The following CAPN11 variants were observed in gnomAD, a reference collection of about 807,000 sequenced individuals.
CAPN11 encodes calpain-11.
A neutral mutation model predicts 105.3 loss-of-function variants in CAPN11; 108 were observed. The observed-to-expected ratio is 1.03, with a 90% CI of 0.88 to 1.20. The LOEUF (loss-of-function observed/expected upper bound fraction) is 1.20, where lower values mean the gene tolerates loss of function less well. CAPN11 is among the 50% of genes most tolerant of loss of function. The pLI, the probability that CAPN11 is intolerant of heterozygous loss-of-function variation, is 0.00. For synonymous variants in CAPN11, 329 were observed against 344.5 expected (o/e 0.96, Z 0.50); for missense variants, 883 against 924.8 (o/e 0.95, Z 0.59).
chr6:44,176,390 G>T, intron 9 of CAPN11, 52 bp downstream of exon 9: 1 of 1,519,190 alleles, frequency 6.6e-7, no homozygotes, highest in Non-Finnish European at 9.1e-7. Flanking sequence ...AGCAGGCGGT[G>T]CCAGGTGGAC....
intron 2 of CAPN11, chr6:44,169,021 C>A (rs765971681): frequency 1.9e-6 from 1 of 518,696 alleles, no homozygotes; most frequent in South Asian, 1.5e-5. Flanking sequence ...GCCTCGAACT[C>A]CAGGGCTCAG....
Position 44,183,970 on chromosome 6 carries a change from G to A in CAPN11, c.*38G>A, listed in dbSNP as rs910467541. ...AGCCTGGTCATCTCTACCAGCAGCA[G>A]CAGCAGCGAGGTTCTAGCCCAGGAG... On this transcript the variant is annotated 3_prime_UTR_variant, in exon 23 of 23. Transcript: ENST00000398776. The A allele has an allele frequency of 1.3e-6, 2 of 1,551,540 alleles. No homozygotes were observed. The highest frequency in any genetic ancestry group is 1.7e-6 in the Non-Finnish European group (2 of 1,147,032).
chr6:44,169,077 C>T (rs1308376559), intron 2 of CAPN11: 1 of 590,616 alleles, frequency 1.7e-6, no homozygotes, highest in East Asian at 3.7e-5. Flanking sequence ...ACTACAGGCA[C>T]ACGTCACCAT....
At chr6:44,182,183 CTCACAT>C in intron 19 of CAPN11, among the ~76,000 whole-genome samples, 1 of 101,564 alleles carries the variant, frequency 9.8e-6, no homozygotes, top group Non-Finnish European at 2.1e-5. Flanking sequence ...CACATACACA[CTCACAT>C]ACAGACACAA....
chr6:44,169,861 A>T, intron 3 of CAPN11, 45 bp from the exon 4 acceptor site: 1 of 1,410,364 alleles, frequency 7.1e-7, no homozygotes. Context: ...AAAGGTGGGG[A>T]GGGGGTGTCC....
At chr6:44,168,492 A>T (rs765659110) in intron 2 of CAPN11, among the ~76,000 whole-genome samples, 4 of 151,038 alleles carry the variant, frequency 2.6e-5, no homozygotes, top group African/African-American at 7.3e-5. Context: ...CTGGTCTCGA[A>T]CTCCTGACCT....
intron 19 of CAPN11, among the ~76,000 whole-genome samples, chr6:44,181,915 CACAT>C (rs1368942532): frequency 4.1e-4 from 40 of 98,246 alleles, no homozygotes; most frequent in African/African-American, 8.8e-4. Flanking sequence ...CACTCACACA[CACAT>C]ACACACTCAC....
At chr6:44,181,367 T>A in intron 19 of CAPN11, 47 bp downstream of exon 19, 2 of 1,551,816 alleles carry the variant, frequency 1.3e-6, no homozygotes, top group South Asian at 1.1e-5. Flanking sequence ...GAAAAGAGGG[T>A]CTTAGGAGAG....
chr6:44,168,822 T>C (rs1466574268), intron 2 of CAPN11: 3 of 332,834 alleles, frequency 9.0e-6, no homozygotes, highest in Non-Finnish European at 1.8e-5. Flanking sequence ...GGTTTCGCCA[T>C]GTTGGGCAGG....
At chr6:44,159,197 T>C (rs889937798) in intron 1 of CAPN11, among the ~76,000 whole-genome samples, 1 of 152,106 alleles carries the variant, frequency 6.6e-6, no homozygotes, top group African/African-American at 2.4e-5. Context: ...GCCATCCCAC[T>C]GTCATGGCTG....
rs769115564 is a variant in CAPN11, at chr6:44,177,345, C to A, written c.1341C>A (p.Ala447=). ...GNVVVCTCLV[A]LMQKNWRHAR... ...TTGTGGTCTGCACCTGCCTGGTGGC[C>A]CTAATGCAGAAGAACTGGCGGCATG... The change falls in exon 12 of 23, where the codon GCC becomes GCA. Residue 447 remains alanine, a synonymous_variant. Coordinates refer to ENST00000398776, the MANE Select transcript of CAPN11 (RefSeq NM_007058.4). 1.9e-5 allele frequency: 31 copies of A among 1,613,836 alleles called. No homozygotes were observed. Among genetic ancestry groups the A allele is most frequent in the Non-Finnish European group, 2.6e-5 (31 of 1,179,876 alleles).
At chr6:44,177,464 C>T (rs1306623520) in intron 12 of CAPN11, 44 bp downstream of exon 12, 2 of 1,520,870 alleles carry the variant, frequency 1.3e-6, no homozygotes, top group African/African-American at 2.8e-5. Flanking sequence ...TCTCCCTCAC[C>T]TGACCTCACT....
chr6:44,181,742 T>C (rs200544114), intron 19 of CAPN11, among the ~76,000 whole-genome samples: 3 of 5,792 alleles, frequency 5.2e-4, no homozygotes, highest in Admixed American at 1.9e-3. Context: ...CACACCACAC[T>C]CACACACACA....
intron 1 of CAPN11, among the ~76,000 whole-genome samples, chr6:44,164,313 T>C (rs1769427147): frequency 6.6e-6 from 1 of 152,168 alleles, no homozygotes; most frequent in African/African-American, 2.4e-5. Context: ...ATATATAGTA[T>C]ATTGGGGTTG....
intron 3 of CAPN11, 90 bp from the exon 4 acceptor site, chr6:44,169,816 T>C: frequency 9.5e-7 from 1 of 1,057,724 alleles, no homozygotes; most frequent in Admixed American, 2.0e-5. Context: ...CCCTGGAACT[T>C]CAAGGTGGGC....
chr6:44,183,389 A>G, intron 21 of CAPN11, 154 bp downstream of exon 21: 1 of 627,168 alleles, frequency 1.6e-6, no homozygotes. Context: ...TTGCTGGCAG[A>G]GGTGACTTGA....
chr6:44,159,097 G>A (rs1406360403), intron 1 of CAPN11, among the ~76,000 whole-genome samples: 2 of 151,574 alleles, frequency 1.3e-5, no homozygotes, highest in Non-Finnish European at 2.9e-5. Context: ...GGGAAGGATA[G>A]GCCACTGGTG....
intron 1 of CAPN11, among the ~76,000 whole-genome samples, chr6:44,160,002 C>T (rs1041507677): frequency 6.6e-6 from 1 of 151,984 alleles, no homozygotes; most frequent in African/African-American, 2.4e-5. Flanking sequence ...TGCGTGGTGG[C>T]GGGCGCCTGT....
intron 4 of CAPN11, among the ~76,000 whole-genome samples, chr6:44,171,935 G>A (rs1003501757): frequency 6.6e-6 from 1 of 152,038 alleles, no homozygotes; most frequent in African/African-American, 2.4e-5. Flanking sequence ...GTGGGGTGGC[G>A]GGCGCCTGTG....
Sources: allele counts gnomAD v4.1 joint callset (sites outside exome capture counted in the v4.1 genomes callset), GRCh38; gene constraint gnomAD v4.1.1; transcripts MANE v1.5; gene names NCBI Gene and HGNC (gene_info 2026-07-23, HGNC 2026-07-21).